PKIA: variants seen among roughly 807,000 people sequenced by gnomAD.
PKIA encodes the protein PKI-alpha.
PKIA carries 4 observed loss-of-function variants against 7.6 expected under a neutral mutation model. The observed-to-expected ratio is 0.52, with a 90% confidence interval of 0.26 to 1.20. The LOEUF is 1.20. Ranked by LOEUF, PKIA falls within the 50% of genes most tolerant of loss-of-function variation. The probability of loss-of-function intolerance (pLI) is 0.13; values close to 1 mark genes in which losing one functional copy is unlikely to be tolerated. For missense variants in PKIA, 73 were observed against 86.2 expected, an observed-to-expected ratio of 0.85 and a Z score of 0.61; for synonymous variants, 21 against 30.7, an observed-to-expected ratio of 0.68 and a Z score of 1.04.
At chr8:78,596,398 C>A (rs1389583524) in intron 2 of PKIA, among the ~76,000 whole-genome samples, 7 of 151,822 alleles carry the variant, frequency 4.6e-5, no homozygotes, top group Admixed American at 6.6e-5. Flanking sequence ...CAACACCAGG[C>A]CTAGCTAATT....
At chr8:78,600,182 T>C (rs776389387) in intron 3 of PKIA, among the ~76,000 whole-genome samples, 61 of 152,002 alleles carry the variant, frequency 4.0e-4, no homozygotes, top group Admixed American at 7.2e-4. Flanking sequence ...GCAATAACTT[T>C]GTTTATTCTA....
chr8:78,598,583 G>C (rs778323369), intron 3 of PKIA, 48 bp downstream of exon 3: 1 of 1,493,888 alleles, frequency 6.7e-7, no homozygotes, highest in South Asian at 1.2e-5. Flanking sequence ...ATGATTTGCG[G>C]CATTTTACTA....
chr8:78,519,621 T>C (rs953514080), intron 1 of PKIA, among the ~76,000 whole-genome samples: 1 of 152,322 alleles, frequency 6.6e-6, no homozygotes, highest in Non-Finnish European at 1.5e-5. Context: ...CAGATTTCTA[T>C]AATATTTCAC....
At position 78,572,606 on chromosome 8, in the gene PKIA, G is replaced by A. The variant is rs181174955; in HGVS notation, c.-156-205G>A. Among the ~76,000 whole-genome samples, 17 of 151,072 alleles carry A rather than the reference G, an allele frequency of 1.1e-4. No homozygotes were observed. In the East Asian group the frequency reaches 3.3e-3, roughly 29 times the overall value. ...AACAAAGGCTAACCAGGCCTCTTTT[G>A]AAGACTGCTTGACTTGAAATCCCAA... On this transcript the variant is annotated intron_variant, in intron 1 of 3. Transcript: ENST00000396418.
intron 1 of PKIA, among the ~76,000 whole-genome samples, chr8:78,540,452 G>A (rs1806654390): frequency 6.6e-6 from 1 of 152,044 alleles, no homozygotes; most frequent in African/African-American, 2.4e-5. Context: ...AATCCCTGCA[G>A]GGCCAAACAA....
At chr8:78,558,112 CTAATA>C (rs66685108) in intron 1 of PKIA, among the ~76,000 whole-genome samples, 17,364 of 152,086 alleles carry the variant, frequency 0.11, 1,056 homozygotes, top group Middle Eastern at 0.2. Flanking sequence ...ATCAAATTAT[CTAATA>C]TTTTACATTA....
chr8:78,539,589 T>TAAAC (rs1431594990), intron 1 of PKIA, among the ~76,000 whole-genome samples: 1 of 151,984 alleles, frequency 6.6e-6, no homozygotes, highest in Non-Finnish European at 1.5e-5. Context: ...TTCACAGCAG[T>TAAAC]AAACTATAAT....
chr8:78,520,687 T>C (rs548397039), intron 1 of PKIA, among the ~76,000 whole-genome samples: 11 of 152,284 alleles, frequency 7.2e-5, no homozygotes, highest in African/African-American at 2.4e-4. Flanking sequence ...TTTTAAACTT[T>C]TAGGTTAACA....
intron 2 of PKIA, among the ~76,000 whole-genome samples, chr8:78,597,261 A>C (rs1020132743): frequency 6.6e-6 from 1 of 152,164 alleles, no homozygotes; most frequent in Non-Finnish European, 1.5e-5. Context: ...GAATCTGTGA[A>C]TTTGGGCAGT....
At chr8:78,560,317 A>T (rs1360075633) in intron 1 of PKIA, among the ~76,000 whole-genome samples, 11 of 152,216 alleles carry the variant, frequency 7.2e-5, no homozygotes, top group African/African-American at 2.7e-4. Context: ...TAATCATAAA[A>T]TGTAAATTAG....
chr8:78,604,961 G>T lies in PKIA; in HGVS notation c.*3140G>T, dbSNP rs894648823. On this transcript the variant is annotated 3_prime_UTR_variant, in exon 4 of 4. Coordinates refer to ENST00000396418, the MANE Select transcript of PKIA (RefSeq NM_006823.4). Reference sequence around the variant, plus strand: ...GATGCTGTGGTAATGCACCATTTTAGAAGATGAATGATACTGCTATTTCTC... The same window carrying T: ...GATGCTGTGGTAATGCACCATTTTATAAGATGAATGATACTGCTATTTCTC... 1 of 151,972 alleles carries T rather than the reference G, an allele frequency of 6.6e-6. No homozygotes were observed. Among genetic ancestry groups the T allele is most frequent in the African/African-American group, 2.4e-5 (1 of 41,390 alleles). 9.4% of individuals were successfully genotyped at this position (151,972 alleles called of 1,614,324 possible).
intron 1 of PKIA, among the ~76,000 whole-genome samples, chr8:78,554,951 T>G (rs1807089407): frequency 1.3e-5 from 2 of 152,036 alleles, no homozygotes; most frequent in African/African-American, 4.8e-5. Context: ...TGAACCAGAT[T>G]TCTACAATCC....
In PKIA at chr8:78,603,864, T is replaced by C. The variant is rs1259255349; in HGVS notation, c.*2043T>C. Reference sequence around the variant, plus strand: ...TCTATGTGGAGGGTTTATATTCCTATGTGATATACTGTTATTAATGCATGT... The same window carrying C: ...TCTATGTGGAGGGTTTATATTCCTACGTGATATACTGTTATTAATGCATGT... On this transcript the variant is annotated 3_prime_UTR_variant, in exon 4 of 4. Coordinates refer to ENST00000396418, the MANE Select transcript of PKIA (RefSeq NM_006823.4). 6.6e-6 allele frequency: 1 copy of C among 152,000 alleles called. No homozygotes were observed. Among genetic ancestry groups the C allele is most frequent in the Non-Finnish European group, 1.5e-5 (1 of 67,958 alleles). 9.4% of individuals were successfully genotyped at this position (152,000 alleles called of 1,614,324 possible).
chr8:78,556,647 A>C (rs964105473), intron 1 of PKIA: 2 of 152,046 alleles, frequency 1.3e-5, no homozygotes, highest in African/African-American at 4.8e-5. Flanking sequence ...CACAGTCAGC[A>C]ATTCTTTTTA....
intron 2 of PKIA, among the ~76,000 whole-genome samples, chr8:78,575,741 T>C (rs1017279309): frequency 1.3e-5 from 2 of 151,988 alleles, no homozygotes; most frequent in African/African-American, 4.8e-5. Flanking sequence ...TCAAAGTAAC[T>C]CAGTCAAGTT....
chr8:78,604,477 C>T lies in PKIA; in HGVS notation c.*2656C>T, dbSNP rs1808427295. 6.6e-6 allele frequency: 1 copy of T among 151,888 alleles called. No individual in the cohort carries two copies. The highest frequency in any genetic ancestry group is 2.1e-4 in the South Asian group (1 of 4,830). The allele number at this position is 151,888 out of a possible 1,614,324, so 9.4% of individuals were successfully genotyped here. A position where few individuals can be genotyped will look rare whatever the true frequency, so the allele number is the denominator to read the frequency against. On this transcript the variant is annotated 3_prime_UTR_variant, in exon 4 of 4. Transcript: ENST00000396418. ...ACTTTTAGAGATGAACTTCTTCAGC[C>T]TCCATATTTTACAGAAGGAAACTGA...
chr8:78,566,034 G>A (rs1052324058), intron 1 of PKIA, among the ~76,000 whole-genome samples: 3 of 151,864 alleles, frequency 2.0e-5, no homozygotes, highest in African/African-American at 7.3e-5. Context: ...AAATTGATAT[G>A]GTAAAAGAGA....
chr8:78,599,459 ATAGAT>A (rs1398236648), intron 3 of PKIA, among the ~76,000 whole-genome samples: 1 of 152,124 alleles, frequency 6.6e-6, no homozygotes, highest in Non-Finnish European at 1.5e-5. Context: ...ATATGTATAT[ATAGAT>A]TAATGAAATG....
At chr8:78,539,019 A>G (rs1419842830) in intron 1 of PKIA, among the ~76,000 whole-genome samples, 2 of 152,086 alleles carry the variant, frequency 1.3e-5, no homozygotes, top group Non-Finnish European at 2.9e-5. Flanking sequence ...AGACCAAAAA[A>G]GTGCAGAGAA....
Sources: allele counts gnomAD v4.1 joint callset (sites outside exome capture counted in the v4.1 genomes callset), GRCh38; gene constraint gnomAD v4.1.1; transcripts MANE v1.5; gene names NCBI Gene and HGNC (gene_info 2026-07-23, HGNC 2026-07-21).